Variants in OR7E24 observed in about 807,000 individuals in gnomAD.
The protein encoded by OR7E24 is olfactory receptor 7E24.
For missense variants in OR7E24, 385 were observed against 410.3 expected (o/e 0.94, Z 0.53); for synonymous variants, 130 against 157.5 (o/e 0.83, Z 1.31).
upstream of OR7E24, among the ~76,000 whole-genome samples, chr19:9,246,690 T>C (rs1186760314): frequency 6.6e-6 from 1 of 152,204 alleles, no homozygotes; most frequent in Admixed American, 6.5e-5. Context: ...AAGGCACTTC[T>C]GACACATGAT....
chr19:9,217,122 A>G, the OR7E24 span, among the ~76,000 whole-genome samples: 1 of 152,236 alleles, frequency 6.6e-6, no homozygotes, highest in East Asian at 1.9e-4. Flanking sequence ...AGAAGTAACA[A>G]AAGCCTGTGG....
the OR7E24 span, chr19:9,214,004 G>T: frequency 6.2e-7 from 1 of 1,614,042 alleles, no homozygotes; most frequent in Non-Finnish European, 8.5e-7. Context: ...TGACCATGGC[G>T]TACATCACTG....
chr19:9,210,836 T>C, the OR7E24 span: 1 of 152,118 alleles, frequency 6.6e-6, no homozygotes, highest in Non-Finnish European at 1.5e-5. Flanking sequence ...TGCAGCAGCT[T>C]ATTGTGATGT....
the OR7E24 span, chr19:9,208,470 A>C: frequency 1.3e-5 from 2 of 152,222 alleles, no homozygotes; most frequent in Non-Finnish European, 2.9e-5. Flanking sequence ...AGAGAGTCCA[A>C]CTGAAGTTTA....
chr19:9,248,470 CCT>C (rs2066136504), upstream of OR7E24, among the ~76,000 whole-genome samples: 1 of 152,176 alleles, frequency 6.6e-6, no homozygotes, highest in Non-Finnish European at 1.5e-5. Flanking sequence ...TTTGGCCAGG[CCT>C]CTCTCTGCAT....
At chr19:9,242,947 C>T (rs116366352), upstream of OR7E24, among the ~76,000 whole-genome samples, 129 of 151,592 alleles carry the variant, frequency 8.5e-4, no homozygotes, top group African/African-American at 3.0e-3. Flanking sequence ...TTCTTTCCTT[C>T]TTTATTTGAC....
At chr19:9,240,114 T>A in the OR7E24 span, among the ~76,000 whole-genome samples, 3 of 151,958 alleles carry the variant, frequency 2.0e-5, no homozygotes, top group Admixed American at 1.3e-4. Flanking sequence ...CAAGTGATCC[T>A]CCTGCCTTGG....
the OR7E24 span, among the ~76,000 whole-genome samples, chr19:9,238,723 T>C: frequency 6.6e-6 from 1 of 152,202 alleles, no homozygotes; most frequent in South Asian, 2.1e-4. Flanking sequence ...TTTACTCTGT[T>C]TTTATGAGTT....
the OR7E24 span, among the ~76,000 whole-genome samples, chr19:9,241,297 G>T: frequency 6.6e-6 from 1 of 152,176 alleles, no homozygotes; most frequent in African/African-American, 2.4e-5. Flanking sequence ...TGTCTAAGTG[G>T]TGGTTGTCAG....
At chr19:9,220,797 A>G in the OR7E24 span, among the ~76,000 whole-genome samples, 84 of 152,270 alleles carry the variant, frequency 5.5e-4, no homozygotes, top group Middle Eastern at 3.4e-3. Context: ...ACTCTTTTCC[A>G]TAATGGTTGT....
chr19:9,222,947 G>A, the OR7E24 span, among the ~76,000 whole-genome samples: 1 of 151,982 alleles, frequency 6.6e-6, no homozygotes, highest in Admixed American at 6.6e-5. Flanking sequence ...TCTTGTGTGT[G>A]GTTTTTACTA....
chr19:9,230,778 T>C, the OR7E24 span, among the ~76,000 whole-genome samples: 1 of 152,256 alleles, frequency 6.6e-6, no homozygotes, highest in East Asian at 1.9e-4. Flanking sequence ...ATTTTTGACA[T>C]TTGAAACTCG....
the OR7E24 span, chr19:9,214,344 CT>C: frequency 6.2e-7 from 1 of 1,614,048 alleles, no homozygotes; most frequent in Non-Finnish European, 8.5e-7. Flanking sequence ...GAAGGTCAAC[CT>C]CTTCATCAGT....
the OR7E24 span, chr19:9,214,221 A>T: frequency 3.0e-4 from 485 of 1,614,194 alleles, no homozygotes; most frequent in Admixed American, 4.2e-4. Context: ...AAACACACCC[A>T]GCAGTGCCGT....
chr19:9,235,585 T>C, the OR7E24 span: 118 of 1,557,122 alleles, frequency 7.6e-5, no homozygotes, highest in African/African-American at 1.5e-3. Flanking sequence ...GGTTCTGGCA[T>C]CTTGGTTCAT....
At chr19:9,245,237 G>A (rs2144935737), upstream of OR7E24, among the ~76,000 whole-genome samples, 1 of 151,822 alleles carries the variant, frequency 6.6e-6, no homozygotes, top group African/African-American at 2.4e-5. Flanking sequence ...AAAAAATTGG[G>A]CAGAGGACTT....
chr19:9,221,799 C>T, the OR7E24 span, among the ~76,000 whole-genome samples: 3 of 152,062 alleles, frequency 2.0e-5, no homozygotes, highest in Non-Finnish European at 4.4e-5. Context: ...CTACTGTTTC[C>T]TTTGCTGTGT....
upstream of OR7E24, among the ~76,000 whole-genome samples, chr19:9,243,799 T>A (rs910215341): frequency 6.6e-6 from 1 of 152,204 alleles, no homozygotes. Context: ...ATCTGAGAAG[T>A]TGCCTCAAGC....
chr19:9,224,767 CAA>C, the OR7E24 span, among the ~76,000 whole-genome samples: 3 of 128,448 alleles, frequency 2.3e-5, no homozygotes, highest in African/African-American at 2.9e-5. Context: ...TTGGTCAAAA[CAA>C]AAAAAAAAAA....
Sources: allele counts gnomAD v4.1 joint callset (sites outside exome capture counted in the v4.1 genomes callset), GRCh38; gene constraint gnomAD v4.1.1; transcripts MANE v1.5; gene names NCBI Gene and HGNC (gene_info 2026-07-23, HGNC 2026-07-21).